Variants in AMPH observed in about 807,000 individuals in gnomAD.
The protein encoded by AMPH is amphiphysin (Stiff-Mann syndrome with breast cancer 128kD autoantigen).
In AMPH, 49 loss-of-function variants were observed where a neutral mutation model predicts 99.1. The ratio of observed to expected loss-of-function variants is 0.49; its 90% CI spans 0.39 to 0.63. AMPH has a LOEUF of 0.63. Ranked by LOEUF, AMPH falls within the 20% of genes least tolerant of loss-of-function variation. AMPH has a pLI of 0.00. For missense variants in AMPH, 759 were observed against 863.4 expected (o/e 0.88, Z 1.52); for synonymous variants, 314 against 317.3 (o/e 0.99, Z 0.11).
At chr7:38,504,357 T>C (rs2196674) in intron 2 of AMPH, among the ~76,000 whole-genome samples, 139,046 of 152,264 alleles carry the variant, frequency 0.91, 63,726 homozygotes, top group East Asian at 1. Flanking sequence ...AATGTTGACA[T>C]ATGAATGCCT....
chr7:38,422,484 A>G lies in AMPH; in HGVS notation c.1216-7T>C, dbSNP rs1377660497. The G allele has an allele frequency of 6.2e-6, 10 of 1,610,326 alleles. No individual in the cohort carries two copies. Among genetic ancestry groups the G allele is most frequent in the Middle Eastern group, 1.7e-4 (1 of 6,046 alleles). The stretch of plus-strand genomic sequence containing the variant: ...ATAATGAAGTATCCTGGGGCTGAAA[A>G]TCAAGGATAAAAATAGAAGATGTTT... On this transcript the variant is annotated splice_region_variant and splice_polypyrimidine_tract_variant and intron_variant, in intron 15 of 20. Coordinates refer to ENST00000356264, the MANE Select transcript of AMPH (RefSeq NM_001635.4).
intron 2 of AMPH, among the ~76,000 whole-genome samples, chr7:38,529,432 T>G (rs3778875): frequency 0.61 from 93,121 of 152,134 alleles, 29,088 homozygotes; most frequent in African/African-American, 0.74. Flanking sequence ...CAGATTCTCA[T>G]GCCTCACCTC....
intron 1 of AMPH, among the ~76,000 whole-genome samples, chr7:38,594,971 G>A (rs1792998611): frequency 1.3e-5 from 2 of 152,106 alleles, no homozygotes; most frequent in Admixed American, 6.5e-5. Context: ...GGATGCTTAG[G>A]CCACTGTTGT....
chr7:38,610,553 T>C (rs1793648837), intron 1 of AMPH, among the ~76,000 whole-genome samples: 1 of 151,808 alleles, frequency 6.6e-6, no homozygotes, highest in African/African-American at 2.4e-5. Context: ...CTACCATGTT[T>C]TGAGAACTTA....
At chr7:38,606,525 T>C (rs1793438365) in intron 1 of AMPH, among the ~76,000 whole-genome samples, 1 of 151,942 alleles carries the variant, frequency 6.6e-6, no homozygotes, top group Non-Finnish European at 1.5e-5. Flanking sequence ...GCATGTTTTC[T>C]ACATTCATCC....
intron 1 of AMPH, among the ~76,000 whole-genome samples, chr7:38,612,087 CTTTT>C (rs56111676): frequency 1.0e-5 from 1 of 97,386 alleles, no homozygotes; most frequent in Non-Finnish European, 1.8e-5. Flanking sequence ...TTGTCTTCTT[CTTTT>C]TTTTTTTTTT....
chr7:38,434,212 G>A (rs529062772), intron 12 of AMPH, among the ~76,000 whole-genome samples: 3 of 152,254 alleles, frequency 2.0e-5, no homozygotes, highest in Admixed American at 6.5e-5. Context: ...GGTGATATAT[G>A]TCCTTCAGAA....
At chr7:38,578,144 C>T (rs1792315326) in intron 1 of AMPH, among the ~76,000 whole-genome samples, 1 of 152,140 alleles carries the variant, frequency 6.6e-6, no homozygotes, top group Non-Finnish European at 1.5e-5. Flanking sequence ...ATCATACCCA[C>T]CACTGCAAAG....
chr7:38,465,067 G>A (rs143958320), intron 9 of AMPH, among the ~76,000 whole-genome samples: 18 of 152,278 alleles, frequency 1.2e-4, no homozygotes, highest in African/African-American at 2.9e-4. Flanking sequence ...CATGAAAGAC[G>A]TCAGCATCAA....
chr7:38,427,609 T>C (rs929585061), intron 14 of AMPH, among the ~76,000 whole-genome samples: 10 of 151,512 alleles, frequency 6.6e-5, no homozygotes, highest in Non-Finnish European at 1.5e-4. Context: ...TATGTGTCTA[T>C]GTTGTTGGGT....
At chr7:38,437,639 A>AAAAAGAAAAGAAAAG (rs1554336212) in intron 11 of AMPH, among the ~76,000 whole-genome samples, 1 of 96,738 alleles carries the variant, frequency 1.0e-5, no homozygotes, top group Non-Finnish European at 1.9e-5. Context: ...AAAAAAAAAA[A>AAAAAGAAAAGAAAAG]AAAAGAAAAG....
At chr7:38,628,838 T>A (rs946669252) in intron 1 of AMPH, among the ~76,000 whole-genome samples, 5 of 152,210 alleles carry the variant, frequency 3.3e-5, no homozygotes, top group African/African-American at 1.2e-4. Context: ...CTCCAATGAA[T>A]CTTCACTGAC....
intron 1 of AMPH, among the ~76,000 whole-genome samples, chr7:38,590,918 C>T (rs912513966): frequency 2.6e-5 from 4 of 152,056 alleles, no homozygotes; most frequent in Non-Finnish European, 4.4e-5. Flanking sequence ...TGTCCCACCT[C>T]GAAGGTAAGA....
At chr7:38,552,390 G>A (rs372738307) in intron 1 of AMPH, among the ~76,000 whole-genome samples, 2 of 152,288 alleles carry the variant, frequency 1.3e-5, no homozygotes, top group South Asian at 2.1e-4. Flanking sequence ...TGCCAGATAT[G>A]GGCAAATCCC....
intron 13 of AMPH, among the ~76,000 whole-genome samples, chr7:38,431,458 C>T (rs1786021731): frequency 6.6e-6 from 1 of 152,078 alleles, no homozygotes; most frequent in South Asian, 2.1e-4. Flanking sequence ...CAGATCGAGA[C>T]CATCCTGGCT....
At chr7:38,490,039 T>C (rs945511937) in intron 5 of AMPH, among the ~76,000 whole-genome samples, 1 of 152,196 alleles carries the variant, frequency 6.6e-6, no homozygotes, top group African/African-American at 2.4e-5. Context: ...AAGTGATTAC[T>C]ATTGTGAGAC....
At chr7:38,403,684 C>A (rs952322546) in intron 17 of AMPH, among the ~76,000 whole-genome samples, 1 of 152,222 alleles carries the variant, frequency 6.6e-6, no homozygotes, top group Non-Finnish European at 1.5e-5. Flanking sequence ...GGGAATACGG[C>A]CTGCCAAAGT....
chr7:38,611,428 T>G (rs1219457540), intron 1 of AMPH, among the ~76,000 whole-genome samples: 3 of 152,206 alleles, frequency 2.0e-5, no homozygotes, highest in African/African-American at 7.2e-5. Context: ...ACTGTACACT[T>G]CAGAATTTGT....
chr7:38,579,009 G>A (rs1385514239), intron 1 of AMPH, among the ~76,000 whole-genome samples: 1 of 152,180 alleles, frequency 6.6e-6, no homozygotes, highest in Non-Finnish European at 1.5e-5. Context: ...GAGAATGAGA[G>A]TGATGAAAGC....
Sources: allele counts gnomAD v4.1 joint callset (sites outside exome capture counted in the v4.1 genomes callset), GRCh38; gene constraint gnomAD v4.1.1; transcripts MANE v1.5; gene names NCBI Gene and HGNC (gene_info 2026-07-23, HGNC 2026-07-21).